Variants in CAPZB observed in about 807,000 individuals in gnomAD.
The protein encoded by CAPZB is capping actin protein of muscle Z-line subunit beta.
Under a neutral mutation model 38.1 loss-of-function variants are expected in CAPZB, and 2 were observed. The observed-to-expected ratio is 0.05, with a 90% confidence interval of 0.02 to 0.17. CAPZB has a LOEUF of 0.17. CAPZB is among the 10% of genes least tolerant of loss of function. The probability of loss-of-function intolerance (pLI) is 1.00; values close to 1 mark genes in which losing one functional copy is unlikely to be tolerated. For missense variants in CAPZB, 161 were observed against 334.2 expected (o/e 0.48, Z 4.04); for synonymous variants, 107 against 127.4 (o/e 0.84, Z 1.08).
intron 2 of CAPZB, among the ~76,000 whole-genome samples, chr1:19,391,341 C>T (rs2094233609): frequency 6.6e-6 from 1 of 152,168 alleles, no homozygotes; most frequent in Non-Finnish European, 1.5e-5. Context: ...GAAGTGCACC[C>T]TTGTACCTCG....
intron 1 of CAPZB, among the ~76,000 whole-genome samples, chr1:19,437,848 T>G (rs2094463116): frequency 6.6e-6 from 1 of 152,178 alleles, no homozygotes; most frequent in Admixed American, 6.5e-5. Flanking sequence ...AGCTCATAAG[T>G]TCTGTGACCA....
At position 19,478,046 on chromosome 1, in the gene CAPZB, G is replaced by C. The variant is rs766910340; in HGVS notation, c.3+7390C>G. 8.5e-5 allele frequency among the ~76,000 whole-genome samples: 13 copies of C among 152,366 alleles called. No homozygotes were observed. In the South Asian group the frequency reaches 1.9e-3, roughly 22 times the overall value. ...CAGCACTAGAAGAGGAAGCTGCACA[G>C]AGCAATTGAAGCAGAGGGTGGAGAA... On this transcript the variant is annotated intron_variant, in intron 1 of 8. Coordinates refer to ENST00000264202, the MANE Select transcript of CAPZB (RefSeq NM_004930.5).
intron 4 of CAPZB, among the ~76,000 whole-genome samples, chr1:19,362,454 C>T (rs2094058575): frequency 6.6e-6 from 1 of 152,114 alleles, no homozygotes; most frequent in Admixed American, 6.5e-5. Context: ...CCAGGCTGGT[C>T]TCTAACTCCT....
At chr1:19,375,762 A>C (rs1053882025) in intron 4 of CAPZB, among the ~76,000 whole-genome samples, 7 of 152,040 alleles carry the variant, frequency 4.6e-5, no homozygotes, top group African/African-American at 1.7e-4. Context: ...CTTAGCTATG[A>C]CTCCCGGCTC....
chr1:19,407,311 G>A (rs1269032247), intron 2 of CAPZB, among the ~76,000 whole-genome samples: 1 of 152,164 alleles, frequency 6.6e-6, no homozygotes, highest in Non-Finnish European at 1.5e-5. Context: ...AGCAGCAGGT[G>A]AGCTGCTAAA....
chr1:19,476,542 C>T (rs1428565012), intron 1 of CAPZB, among the ~76,000 whole-genome samples: 1 of 152,224 alleles, frequency 6.6e-6, no homozygotes, highest in East Asian at 1.9e-4. Context: ...AAGGCTTTGT[C>T]ACCCAATAGT....
chr1:19,472,615 G>A (rs1031415211), intron 1 of CAPZB, among the ~76,000 whole-genome samples: 1 of 151,786 alleles, frequency 6.6e-6, no homozygotes, highest in Non-Finnish European at 1.5e-5. Context: ...ACTCAAAGGT[G>A]ATTCCAGACC....
At chr1:19,433,181 C>T (rs2094447866) in intron 1 of CAPZB, among the ~76,000 whole-genome samples, 2 of 152,182 alleles carry the variant, frequency 1.3e-5, no homozygotes, top group Admixed American at 6.5e-5. Flanking sequence ...AATCCCTGCA[C>T]TTTGTCAACT....
intron 1 of CAPZB, among the ~76,000 whole-genome samples, chr1:19,469,971 T>C (rs2094581622): frequency 6.6e-6 from 1 of 152,192 alleles, no homozygotes; most frequent in African/African-American, 2.4e-5. Context: ...ACATGTCACA[T>C]GTTAATGGCT....
chr1:19,354,916 C>T (rs1431840211), intron 6 of CAPZB, among the ~76,000 whole-genome samples: 1 of 152,112 alleles, frequency 6.6e-6, no homozygotes, highest in South Asian at 2.1e-4. Context: ...AGCCAATGGC[C>T]CCTGGAAGAT....
At chr1:19,380,242 G>C (rs771621583) in intron 3 of CAPZB, among the ~76,000 whole-genome samples, 1 of 152,198 alleles carries the variant, frequency 6.6e-6, no homozygotes, top group Non-Finnish European at 1.5e-5. Context: ...TGTCCCCAAA[G>C]AGTCTCCAGG....
chr1:19,389,238 C>T (rs920378923), intron 2 of CAPZB, among the ~76,000 whole-genome samples: 3 of 152,074 alleles, frequency 2.0e-5, no homozygotes, highest in Admixed American at 1.3e-4. Context: ...CACCTCTGCC[C>T]GAAACTCCTC....
chr1:19,378,552 T>C lies in CAPZB; in HGVS notation c.317A>G (p.Gln106Arg). 6.2e-7 allele frequency: 1 copy of C among 1,600,778 alleles called. No individual in the cohort carries two copies. The highest frequency in any genetic ancestry group is 8.6e-7 in the Non-Finnish European group (1 of 1,167,754). Residue 106 changes from glutamine to arginine, a missense_variant, in exon 4 of 9, where the codon CAG becomes CGG. Gln to Arg is a conservative substitution (Grantham distance 43). Coordinates refer to ENST00000264202, the MANE Select transcript of CAPZB (RefSeq NM_004930.5). ...LEVEANNAFD[Q>R]YRDLYFEGGV... Reference sequence around the variant, plus strand: ...GAAAATGACTCACAGGTCTCGATACTGGTCAAAGGCATTGTTGGCTTCCAC... The same window carrying C: ...GAAAATGACTCACAGGTCTCGATACCGGTCAAAGGCATTGTTGGCTTCCAC...
chr1:19,400,582 G>C (rs1000227591), intron 2 of CAPZB, among the ~76,000 whole-genome samples: 2 of 152,132 alleles, frequency 1.3e-5, no homozygotes, highest in Non-Finnish European at 2.9e-5. Context: ...TGGGGAAGTG[G>C]GATCTCTCTC....
intron 1 of CAPZB, among the ~76,000 whole-genome samples, chr1:19,444,632 C>A (rs953822401): frequency 2.0e-5 from 3 of 152,150 alleles, no homozygotes; most frequent in Non-Finnish European, 1.5e-5. Context: ...CACAAAGGAA[C>A]CAATCCTCCA....
chr1:19,437,986 C>T (rs1342471844), intron 1 of CAPZB, among the ~76,000 whole-genome samples: 4 of 152,232 alleles, frequency 2.6e-5, no homozygotes, highest in South Asian at 2.1e-4. Flanking sequence ...CCCTGGAGAA[C>T]GATCGTATTT....
chr1:19,405,099 T>C (rs1267354746), intron 2 of CAPZB, among the ~76,000 whole-genome samples: 1 of 152,154 alleles, frequency 6.6e-6, no homozygotes, highest in Admixed American at 6.5e-5. Flanking sequence ...GAGTCATAGC[T>C]CAGCTCCAAG....
chr1:19,342,734 G>C (rs767032215), intron 8 of CAPZB: 2 of 1,515,816 alleles, frequency 1.3e-6, no homozygotes, highest in Non-Finnish European at 1.8e-6. Flanking sequence ...AGGGTCTCGC[G>C]GCTCTCAGGC....
intron 6 of CAPZB, among the ~76,000 whole-genome samples, chr1:19,353,725 T>A (rs2094004531): frequency 6.6e-6 from 1 of 152,228 alleles, no homozygotes; most frequent in Admixed American, 6.5e-5. Flanking sequence ...AAAGCCCTCC[T>A]GACAGCCTCT....
Sources: allele counts gnomAD v4.1 joint callset (sites outside exome capture counted in the v4.1 genomes callset), GRCh38; gene constraint gnomAD v4.1.1; transcripts MANE v1.5; gene names NCBI Gene and HGNC (gene_info 2026-07-23, HGNC 2026-07-21).